IMPG1: variants seen among roughly 807,000 people sequenced by gnomAD.
The protein encoded by IMPG1 is interphotoreceptor matrix proteoglycan of 150 kDa.
IMPG1 carries 85 observed loss-of-function variants against 92.0 expected under a neutral mutation model. That is an observed-to-expected ratio of 0.92 (90% CI 0.78 to 1.11). IMPG1 has a LOEUF of 1.11. IMPG1 is among the 50% of genes least tolerant of loss of function. The pLI is 0.00. For synonymous variants in IMPG1, 367 were observed against 334.1 expected, an observed-to-expected ratio of 1.10 and a Z score of -1.08; for missense variants, 1,022 against 956.0, an observed-to-expected ratio of 1.07 and a Z score of -0.91.
intron 15 of IMPG1, among the ~76,000 whole-genome samples, chr6:75,929,623 A>G (rs762521246): frequency 6.1e-4 from 92 of 151,708 alleles, no homozygotes; most frequent in African/African-American, 2.0e-3. Context: ...TGGGTGCAGC[A>G]CACCAGCATG....
intron 7 of IMPG1, among the ~76,000 whole-genome samples, chr6:76,013,251 T>C (rs1250810569): frequency 6.6e-6 from 1 of 152,086 alleles, no homozygotes; most frequent in Admixed American, 6.6e-5. Context: ...TTTAAGACCC[T>C]CCAGAATCTG....
chr6:76,056,031 T>G (rs1309101968), intron 1 of IMPG1, among the ~76,000 whole-genome samples: 2 of 151,914 alleles, frequency 1.3e-5, no homozygotes, highest in Non-Finnish European at 2.9e-5. Context: ...AAAACGAGTA[T>G]GAGAAAAAAT....
chr6:75,995,247 T>C (rs1782876498), intron 12 of IMPG1, among the ~76,000 whole-genome samples: 3 of 152,220 alleles, frequency 2.0e-5, no homozygotes, highest in Non-Finnish European at 1.5e-5. Flanking sequence ...TTCTAATTGA[T>C]TGCTTGCATT....
At chr6:75,995,051 T>C (rs1248310749) in intron 12 of IMPG1, among the ~76,000 whole-genome samples, 1 of 152,224 alleles carries the variant, frequency 6.6e-6, no homozygotes, top group Non-Finnish European at 1.5e-5. Flanking sequence ...TTTCTGTTAA[T>C]GAGCCTGTAC....
At chr6:75,957,664 C>T (rs925959672) in intron 12 of IMPG1, among the ~76,000 whole-genome samples, 2 of 152,054 alleles carry the variant, frequency 1.3e-5, no homozygotes, top group East Asian at 1.9e-4. Flanking sequence ...TATGTAATGC[C>T]CTGCTTTGGC....
At chr6:76,038,549 C>A (rs1783782021) in intron 2 of IMPG1, among the ~76,000 whole-genome samples, 1 of 152,020 alleles carries the variant, frequency 6.6e-6, no homozygotes, top group Non-Finnish European at 1.5e-5. Context: ...GGGGAAGTAT[C>A]AAAAAAACCC....
chr6:76,037,906 G>A (rs532172562), intron 2 of IMPG1, among the ~76,000 whole-genome samples: 1 of 152,354 alleles, frequency 6.6e-6, no homozygotes, highest in African/African-American at 2.4e-5. Flanking sequence ...GCACAACCTT[G>A]AGTGTGTTGC....
chr6:76,044,194 C>G (rs1006172651), intron 1 of IMPG1, among the ~76,000 whole-genome samples: 1 of 152,052 alleles, frequency 6.6e-6, no homozygotes, highest in Non-Finnish European at 1.5e-5. Flanking sequence ...CTGTTAGTAC[C>G]CATTACAGTT....
At chr6:75,999,575 T>G (rs548193664) in intron 12 of IMPG1, among the ~76,000 whole-genome samples, 6 of 152,340 alleles carry the variant, frequency 3.9e-5, no homozygotes, top group African/African-American at 1.2e-4. Flanking sequence ...TTTGTTTGTT[T>G]GTTTTCTGTT....
At chr6:76,035,338 A>G (rs1169614703) in intron 2 of IMPG1, among the ~76,000 whole-genome samples, 2 of 152,052 alleles carry the variant, frequency 1.3e-5, no homozygotes, top group East Asian at 3.9e-4. Flanking sequence ...CGTCTCTACT[A>G]AAAATACAAA....
intron 1 of IMPG1, among the ~76,000 whole-genome samples, chr6:76,060,172 G>A (rs988551020): frequency 6.6e-6 from 1 of 152,132 alleles, no homozygotes; most frequent in African/African-American, 2.4e-5. Flanking sequence ...AAATGAAGTC[G>A]GAATGAATTA....
chr6:76,018,807 C>G lies in IMPG1; in HGVS notation c.718G>C (p.Val240Leu). 6.2e-7 allele frequency: 1 copy of G among 1,612,054 alleles called. No individual in the cohort carries two copies. The highest frequency in any genetic ancestry group is 1.1e-5 in the South Asian group (1 of 90,832). ...VLEEQRVELS[V>L]SLVNQKFKAE... ...TTGAACTTCTGGTTTACCAGAGAGA[C>G]GCTGAGCTCCACCCTCTGCTCCTCC... Residue 240 changes from valine to leucine, a missense_variant, in exon 7 of 17, where the codon GTC becomes CTC. Coordinates refer to ENST00000369950, the MANE Select transcript of IMPG1 (RefSeq NM_001563.4).
chr6:76,069,854 G>A (rs1445460308), intron 1 of IMPG1, among the ~76,000 whole-genome samples: 1 of 152,082 alleles, frequency 6.6e-6, no homozygotes, highest in Non-Finnish European at 1.5e-5. Flanking sequence ...GCTGGAGACC[G>A]CTATCCTAAG....
chr6:76,060,833 T>G (rs909346961), intron 1 of IMPG1, among the ~76,000 whole-genome samples: 1 of 152,128 alleles, frequency 6.6e-6, no homozygotes, highest in Non-Finnish European at 1.5e-5. Flanking sequence ...TGTGATACTT[T>G]ATAATATAGT....
intron 12 of IMPG1, among the ~76,000 whole-genome samples, chr6:75,993,576 C>G (rs542001997): frequency 6.6e-6 from 1 of 152,168 alleles, no homozygotes; most frequent in South Asian, 2.1e-4. Context: ...TATAAGGGCT[C>G]GGCCCTCATG....
chr6:75,933,993 T>C (rs1279277450), intron 14 of IMPG1, among the ~76,000 whole-genome samples: 1 of 152,216 alleles, frequency 6.6e-6, no homozygotes, highest in African/African-American at 2.4e-5. Flanking sequence ...TGTTTGGCTT[T>C]TTAAATAATT....
At position 75,947,392 on chromosome 6, in the gene IMPG1, C is replaced by A. The variant is rs749953054; in HGVS notation, c.1966G>T (p.Val656Phe). The A allele has an allele frequency of 1.5e-5, 24 of 1,613,840 alleles. No individual in the cohort carries two copies. In the Admixed American group the frequency reaches 3.8e-4, roughly 26 times the overall value. ...PYNLTKAVHG[V>F]LEDFRSAAAQ... is the part of the protein sequence containing the mutation. The stretch of plus-strand genomic sequence containing the variant: ...GCAGCAGAACGAAAATCCTCCAAGA[C>A]CCCGTGCACAGCCTTGGTGAGGTTA... Residue 656 changes from valine to phenylalanine, a missense_variant, in exon 14 of 17, where the codon GTC becomes TTC. Physicochemically the swap from Val to Phe is conservative, Grantham distance 50 (BLOSUM62 -1). Coordinates refer to ENST00000369950, the MANE Select transcript of IMPG1 (RefSeq NM_001563.4).
chr6:75,949,248 C>T (rs191781113), intron 13 of IMPG1, among the ~76,000 whole-genome samples: 310 of 152,190 alleles, frequency 2.0e-3, no homozygotes, highest in Non-Finnish European at 3.3e-3. Flanking sequence ...GAAAGGAAGT[C>T]GGCACAAGAC....
At chr6:75,999,057 A>G (rs1782943918) in intron 12 of IMPG1, among the ~76,000 whole-genome samples, 3 of 152,088 alleles carry the variant, frequency 2.0e-5, no homozygotes, top group African/African-American at 7.2e-5. Flanking sequence ...GGGTTTCACC[A>G]TGTTGGCCAG....
Sources: gnomAD v4.1 joint callset for allele counts (sites outside exome capture counted in the v4.1 genomes callset) on GRCh38, gnomAD v4.1.1 for gene constraint, MANE v1.5 for transcripts, NCBI Gene and HGNC (gene_info 2026-07-23, HGNC 2026-07-21) for gene names.